The following BLOC1S3 variants were observed in gnomAD, a reference collection of about 807,000 sequenced individuals.
BLOC1S3 encodes biogenesis of lysosome-related organelles complex 1 subunit 3.
BLOC1S3 carries 7 observed loss-of-function variants against 9.1 expected under a neutral mutation model. That is an observed-to-expected ratio of 0.77 (90% CI 0.44 to 1.45). The LOEUF is 1.45. Ranked by LOEUF, BLOC1S3 falls within the 40% of genes most tolerant of loss-of-function variation. BLOC1S3 has a pLI of 0.01. For missense variants in BLOC1S3, 307 were observed against 315.2 expected (o/e 0.97, Z 0.20); for synonymous variants, 145 against 158.4 (o/e 0.92, Z 0.64).
At chr19:45,183,623 C>CTTTTTTTTTTTTTTTTTTTTTTT (rs57651816), downstream of BLOC1S3, among the ~76,000 whole-genome samples, 27 of 105,116 alleles carry the variant, frequency 2.6e-4, no homozygotes, top group African/African-American at 4.1e-4. Context: ...CTTTTCTTTT[C>CTTTTTTTTTTTTTTTTTTTTTTT]TTTTTTTTTT....
chr19:45,216,060 C>T (rs923923390), intron 3 of BLOC1S3: 13 of 1,613,020 alleles, frequency 8.1e-6, no homozygotes, highest in African/African-American at 1.3e-5. Context: ...CTGGCCCAGG[C>T]GGGGTGTCTC....
chr19:45,201,149 G>A (rs1218580295), intron 2 of BLOC1S3, among the ~76,000 whole-genome samples: 1 of 151,234 alleles, frequency 6.6e-6, no homozygotes, highest in Non-Finnish European at 1.5e-5. Context: ...GTTGCACTGA[G>A]TGGAGATTGC....
At chr19:45,203,054 CCT>C (rs914732471) in intron 3 of BLOC1S3, among the ~76,000 whole-genome samples, 1 of 151,688 alleles carries the variant, frequency 6.6e-6, no homozygotes, top group Non-Finnish European at 1.5e-5. Context: ...CTTTTCGTCT[CCT>C]CTTCTCAAGC....
At chr19:45,194,625 A>G (rs1381915478) in intron 2 of BLOC1S3, among the ~76,000 whole-genome samples, 1 of 152,182 alleles carries the variant, frequency 6.6e-6, no homozygotes, top group East Asian at 1.9e-4. Flanking sequence ...TACAACAGAC[A>G]TTATAGCAAT....
chr19:45,185,146 G>A (rs1210679297), downstream of BLOC1S3, among the ~76,000 whole-genome samples: 1 of 152,024 alleles, frequency 6.6e-6, no homozygotes, highest in Non-Finnish European at 1.5e-5. Flanking sequence ...GCAACACTGG[G>A]GTAAGAGAGA....
Position 45,191,279 on chromosome 19 carries a change from C to T in BLOC1S3, n.180+3539C>T, listed in dbSNP as rs560957345. Among the ~76,000 whole-genome samples the T allele has an allele frequency of 3.4e-4, 52 of 152,042 alleles. 1 individual carries two copies. The highest frequency in any genetic ancestry group is 6.5e-4 in the Non-Finnish European group (44 of 68,002). On this transcript the variant is annotated intron_variant and non_coding_transcript_variant, in intron 2 of 3. Transcript: ENST00000591569. ...CTGGGATTACAGGCATGCACCACCA[C>T]GCCCAGCTAATTTTGTATTTTTAGT...
rs756667837 is a variant in BLOC1S3 at position 45,179,717 on chromosome 19, G to T, written c.421G>T (p.Ala141Ser). 1.4e-6 allele frequency: 2 copies of T among 1,459,088 alleles called. No homozygotes were observed. Among genetic ancestry groups the T allele is most frequent in the Non-Finnish European group, 1.8e-6 (2 of 1,112,872 alleles). The allele number at this position is 1,459,088 out of a possible 1,614,324, so 90.4% of individuals were successfully genotyped here. ...CCGCCGTGCAGGCCGCGACGTGGCC[G>T]CCCTGGCTAGTAGGCTGGCGGCAGC... ...VYRRAGRDVA[A>S]LASRLAAAQA... Residue 141 changes from alanine (A) to serine (S), a missense_variant, in exon 2 of 2, where the codon GCC becomes TCC. Transcript: ENST00000433642. This position sits in a 1 kb window ranked among gnomAD's most constrained non-coding sequence, Gnocchi z 4.6.
At chr19:45,195,082 A>G (rs2122914593) in intron 2 of BLOC1S3, among the ~76,000 whole-genome samples, 1 of 152,078 alleles carries the variant, frequency 6.6e-6, no homozygotes, top group Admixed American at 6.6e-5. Flanking sequence ...GGCATGCGCC[A>G]GCACGTAGTA....
chr19:45,207,728 C>G (rs1217800741), intron 3 of BLOC1S3, among the ~76,000 whole-genome samples: 2 of 152,076 alleles, frequency 1.3e-5, no homozygotes, highest in South Asian at 2.1e-4. Flanking sequence ...CAGAGCGAGA[C>G]TCCATCTCAA....
intron 2 of BLOC1S3, among the ~76,000 whole-genome samples, chr19:45,194,970 T>C (rs1258775119): frequency 6.6e-6 from 1 of 151,504 alleles, no homozygotes; most frequent in South Asian, 2.1e-4. Flanking sequence ...TCGCTCTTGT[T>C]GCCCAGGCTG....
At chr19:45,184,929 AAAG>A (rs1969555748), downstream of BLOC1S3, among the ~76,000 whole-genome samples, 1 of 145,566 alleles carries the variant, frequency 6.9e-6, no homozygotes. Context: ...AAAAAAAAAA[AAAG>A]GAAGGAAGGG....
intron 3 of BLOC1S3, among the ~76,000 whole-genome samples, chr19:45,210,453 C>T (rs1969760200): frequency 1.3e-5 from 2 of 151,724 alleles, no homozygotes; most frequent in South Asian, 4.2e-4. Context: ...GATGCGCCAC[C>T]ACGCCTGGCT....
downstream of BLOC1S3, among the ~76,000 whole-genome samples, chr19:45,183,244 T>G (rs1182596537): frequency 1.3e-5 from 2 of 150,362 alleles, no homozygotes; most frequent in Non-Finnish European, 3.0e-5. Context: ...CTTTGGGAGG[T>G]CGAGGCAGGC....
intron 2 of BLOC1S3, among the ~76,000 whole-genome samples, chr19:45,190,655 G>C (rs1460076799): frequency 6.6e-6 from 1 of 151,470 alleles, no homozygotes; most frequent in African/African-American, 2.4e-5. Flanking sequence ...GCCCACCTCA[G>C]CCTCCCAAAA....
intron 3 of BLOC1S3, among the ~76,000 whole-genome samples, chr19:45,207,659 C>T (rs1969738119): frequency 1.3e-5 from 2 of 150,020 alleles, no homozygotes; most frequent in South Asian, 2.1e-4. Context: ...ATTGCTTGAA[C>T]CCAGGAGGTG....
intron 3 of BLOC1S3, among the ~76,000 whole-genome samples, chr19:45,207,580 A>AC (rs1969737375): frequency 5.4e-5 from 8 of 147,068 alleles, no homozygotes; most frequent in African/African-American, 2.0e-4. Context: ...AAAAAAAAAA[A>AC]AAAAAACCTA....
chr19:45,202,909 C>G (rs1264066400), intron 3 of BLOC1S3, among the ~76,000 whole-genome samples: 2 of 152,076 alleles, frequency 1.3e-5, no homozygotes, highest in African/African-American at 2.4e-5. Context: ...GCAGCGGCTT[C>G]CCTTCTGGTC....
At chr19:45,183,350 C>T (rs1969540986), downstream of BLOC1S3, among the ~76,000 whole-genome samples, 1 of 151,780 alleles carries the variant, frequency 6.6e-6, no homozygotes, top group South Asian at 2.1e-4. Flanking sequence ...GTGGCACATG[C>T]CTGTAATCCC....
chr19:45,202,210 TA>T (rs59295257), intron 2 of BLOC1S3, among the ~76,000 whole-genome samples: 19,961 of 53,724 alleles, frequency 0.37, 3,685 homozygotes, highest in Non-Finnish European at 0.49. Flanking sequence ...AGACTCCATC[TA>T]AAAAAAAAAA....
Sources: gnomAD v4.1 joint callset for allele counts (sites outside exome capture counted in the v4.1 genomes callset) on GRCh38, gnomAD v4.1.1 for gene constraint, Gnocchi (gnomAD v3.1) non-coding constraint, MANE v1.5 for transcripts, NCBI Gene and HGNC (gene_info 2026-07-23, HGNC 2026-07-21) for gene names.